The following SLC45A4 variants were observed in gnomAD, a reference collection of about 807,000 sequenced individuals.
SLC45A4 encodes solute carrier family 45 member 4.
Under a neutral mutation model 63.7 loss-of-function variants are expected in SLC45A4, and 32 were observed. The observed-to-expected ratio is 0.50, with a 90% CI of 0.38 to 0.67. The LOEUF (loss-of-function observed/expected upper bound fraction) is 0.67, where lower values mean the gene tolerates loss of function less well. Ranked by LOEUF, SLC45A4 falls within the 30% of genes least tolerant of loss-of-function variation. The pLI is 0.00. For synonymous variants in SLC45A4, 535 were observed against 510.0 expected, an observed-to-expected ratio of 1.05 and a Z score of -0.66; for missense variants, 1,027 against 1,157.7, an observed-to-expected ratio of 0.89 and a Z score of 1.64.
chr8:141,280,676 C>T lies in SLC45A4; in HGVS notation c.-400-26047G>A, dbSNP rs148759410. ...ACCCTCTGCAGGGTGTGTTTTTGCC[C>T]CACCCGTACCTCCACCATGGGGGTT... is the stretch of plus-strand genomic sequence containing the variant. On this transcript the variant is annotated intron_variant, in intron 1 of 8. Coordinates refer to ENST00000517878, the MANE Select transcript of SLC45A4 (RefSeq NM_001286646.2). 2.6e-5 allele frequency among the ~76,000 whole-genome samples: 4 copies of T among 152,266 alleles called. No homozygotes were observed. The East Asian group carries it at 7.7e-4, about 29-fold the overall frequency.
At chr8:141,294,351 G>A (rs914459137) in intron 1 of SLC45A4, among the ~76,000 whole-genome samples, 17 of 152,238 alleles carry the variant, frequency 1.1e-4, no homozygotes, top group South Asian at 2.1e-4. Flanking sequence ...CAGAGGGAAC[G>A]TGCACCGGGG....
intron 1 of SLC45A4, among the ~76,000 whole-genome samples, chr8:141,271,299 C>T (rs1309239427): frequency 1.3e-5 from 2 of 152,212 alleles, no homozygotes; most frequent in Non-Finnish European, 2.9e-5. Flanking sequence ...TAGAGCATCA[C>T]CTCACAGCTT....
At chr8:141,245,553 C>A (rs1456186531) in intron 2 of SLC45A4, among the ~76,000 whole-genome samples, 1 of 152,168 alleles carries the variant, frequency 6.6e-6, no homozygotes, top group Non-Finnish European at 1.5e-5. Context: ...CCCAGAGCAT[C>A]AGGGACTCCC....
Position 141,227,885 on chromosome 8 carries a change from G to A in SLC45A4, c.242-6120C>T, listed in dbSNP as rs868709102. ...GCCGCCTTCCCACTCCAACACCCAC[G>A]GCCCACCCAGCCCCTCCCGGAGTGC... On this transcript the variant is annotated intron_variant, in intron 2 of 8. Transcript: ENST00000517878. The surrounding 1 kb of genome is among the most constrained non-coding windows in gnomAD (Gnocchi z 4.4). 7.2e-5 allele frequency among the ~76,000 whole-genome samples: 11 copies of A among 152,160 alleles called. No individual in the cohort carries two copies. The East Asian group carries it at 1.3e-3, about 19-fold the overall frequency.
intron 1 of SLC45A4, among the ~76,000 whole-genome samples, chr8:141,277,047 C>T (rs1297316465): frequency 6.6e-6 from 1 of 152,232 alleles, no homozygotes; most frequent in Non-Finnish European, 1.5e-5. Flanking sequence ...CAGGCAGAGC[C>T]CTTGGACACC....
At chr8:141,248,272 T>C (rs935613384) in intron 2 of SLC45A4, among the ~76,000 whole-genome samples, 1 of 152,176 alleles carries the variant, frequency 6.6e-6, no homozygotes, top group Non-Finnish European at 1.5e-5. Context: ...AAGATACCAT[T>C]AGGAAAATGG....
At chr8:141,212,704 C>T in intron 7 of SLC45A4, 148 bp from the exon 8 acceptor site, 1 of 949,946 alleles carries the variant, frequency 1.1e-6, no homozygotes. Context: ...TGAGCACCCT[C>T]AATCCCCCAG....
intron 1 of SLC45A4, among the ~76,000 whole-genome samples, chr8:141,284,497 C>G (rs1024174378): frequency 8.5e-5 from 13 of 152,248 alleles, no homozygotes; most frequent in African/African-American, 3.1e-4. Context: ...CCCAGGAGGG[C>G]CGCTGAAAAC....
At chr8:141,303,043 G>T (rs1437116080) in intron 1 of SLC45A4, among the ~76,000 whole-genome samples, 1 of 142,036 alleles carries the variant, frequency 7.0e-6, no homozygotes, top group Non-Finnish European at 1.5e-5. Context: ...TGCCCCAGCT[G>T]GAGTGCAGTG....
chr8:141,251,946 A>T (rs531604846), intron 2 of SLC45A4, among the ~76,000 whole-genome samples: 2 of 148,510 alleles, frequency 1.3e-5, no homozygotes, highest in East Asian at 4.0e-4. Flanking sequence ...ACGATTTCAC[A>T]CTGGAGTCAG....
At chr8:141,217,705 C>T (rs1259643907) in intron 5 of SLC45A4, among the ~76,000 whole-genome samples, 2 of 152,242 alleles carry the variant, frequency 1.3e-5, no homozygotes, top group East Asian at 3.8e-4. Flanking sequence ...ATCTTAGCTG[C>T]CGTTTTGGGG....
At chr8:141,228,281 C>CTGCCGCCCTG (rs1827146094) in intron 2 of SLC45A4, 1 of 1,612,546 alleles carries the variant, frequency 6.2e-7, no homozygotes, top group African/African-American at 1.3e-5. Context: ...GATGCTGTCC[C>CTGCCGCCCTG]TGCCGCCCTG....
rs187278598 is a variant in SLC45A4, at chr8:141,223,856, A to T, written c.242-2091T>A. Among the ~76,000 whole-genome samples, 11 of 152,364 alleles carry T rather than the reference A, an allele frequency of 7.2e-5. No homozygotes were observed. The East Asian group carries it at 1.9e-3, about 27-fold the overall frequency. ...CCACCACTCACCCCAGTCTGGCACC[A>T]GATGGGACCTGTGACCCACAGAGGG... On this transcript the variant is annotated intron_variant, in intron 2 of 8. Transcript: ENST00000517878.
intron 4 of SLC45A4, 106 bp from the exon 5 acceptor site, chr8:141,219,135 G>C: frequency 7.7e-7 from 1 of 1,302,792 alleles, no homozygotes; most frequent in Non-Finnish European, 1.1e-6. Flanking sequence ...CTGCCCTCAT[G>C]ATGGGAGTCA....
chr8:141,230,023 A>G, intron 2 of SLC45A4: 1 of 455,486 alleles, frequency 2.2e-6, no homozygotes. Context: ...TGCTGGAAGG[A>G]CAACACCACA....
chr8:141,280,863 C>T (rs1361061307), intron 1 of SLC45A4, among the ~76,000 whole-genome samples: 1 of 152,244 alleles, frequency 6.6e-6, no homozygotes, highest in South Asian at 2.1e-4. Flanking sequence ...CTTAGCACGA[C>T]CTTGCTTCTC....
In SLC45A4 at chr8:141,215,795, C is replaced by T. The variant is rs546903358; in HGVS notation, c.1905G>A (p.Pro635=). Residue 635 remains proline, a synonymous_variant, in exon 7 of 9, where the codon CCG becomes CCA. Transcript: ENST00000517878. The surrounding 1 kb of genome is among the most constrained non-coding windows in gnomAD (Gnocchi z 4.3). ...GIVSMSISYC[P]YALLGQYHDI... ...CATGGTACTGGCCCAGCAGGGCGTA[C>T]GGGCAGTAGGAGATGCTCATGGAGA... The T allele has an allele frequency of 2.2e-5, 36 of 1,613,824 alleles. No homozygotes were observed. Among genetic ancestry groups the T allele is most frequent in the Admixed American group, 1.8e-4 (11 of 60,008 alleles).
chr8:141,279,177 G>A (rs890753393), intron 1 of SLC45A4, among the ~76,000 whole-genome samples: 2 of 152,244 alleles, frequency 1.3e-5, no homozygotes, highest in Non-Finnish European at 2.9e-5. Context: ...GCCGATGCTC[G>A]TGGGAGCCCC....
chr8:141,301,012 G>A (rs923362878), intron 1 of SLC45A4, among the ~76,000 whole-genome samples: 2 of 152,168 alleles, frequency 1.3e-5, no homozygotes, highest in African/African-American at 4.8e-5. Context: ...CTCCGGTGTG[G>A]GGAACTCAGA....
Sources: allele counts gnomAD v4.1 joint callset (sites outside exome capture counted in the v4.1 genomes callset), GRCh38; gene constraint gnomAD v4.1.1; non-coding constraint Gnocchi (gnomAD v3.1); transcripts MANE v1.5; gene names NCBI Gene and HGNC (gene_info 2026-07-23, HGNC 2026-07-21).